Variants in CTNNA3 observed in about 807,000 individuals in gnomAD.
The protein encoded by CTNNA3 is catenin alpha-3.
In CTNNA3, 76 loss-of-function variants were observed where a neutral mutation model predicts 95.7. The observed-to-expected ratio is 0.79, with a 90% confidence interval of 0.66 to 0.96. The LOEUF is 0.96. CTNNA3 is among the 40% of genes least tolerant of loss of function. The probability of loss-of-function intolerance (pLI) is 0.00; values close to 1 mark genes in which losing one functional copy is unlikely to be tolerated. For missense variants in CTNNA3, 1,191 were observed against 1,089.8 expected (o/e 1.09, Z -1.31); for synonymous variants, 431 against 374.4 (o/e 1.15, Z -1.74).
At chr10:67,422,666 G>A (rs1423805272) in intron 5 of CTNNA3, among the ~76,000 whole-genome samples, 3 of 151,956 alleles carry the variant, frequency 2.0e-5, no homozygotes, top group African/African-American at 7.3e-5. Context: ...TAAACATGTG[G>A]GCACATTCTC....
intron 10 of CTNNA3, among the ~76,000 whole-genome samples, chr10:66,616,686 C>G (rs747715301): frequency 2.0e-5 from 3 of 152,032 alleles, no homozygotes; most frequent in Non-Finnish European, 4.4e-5. Context: ...CTGAAACCTA[C>G]GTGAATTCAA....
At chr10:67,170,476 A>G (rs1861971451) in intron 7 of CTNNA3, among the ~76,000 whole-genome samples, 1 of 152,208 alleles carries the variant, frequency 6.6e-6, no homozygotes, top group South Asian at 2.1e-4. Context: ...GGGAACGTGG[A>G]TGGAGCTGGA....
intron 5 of CTNNA3, among the ~76,000 whole-genome samples, chr10:67,266,825 GA>G (rs1866845133): frequency 6.6e-6 from 1 of 151,994 alleles, no homozygotes; most frequent in Non-Finnish European, 1.5e-5. Context: ...ATCACCACAA[GA>G]AAAAAGTTAA....
chr10:66,256,285 C>T (rs2090768773), intron 13 of CTNNA3, among the ~76,000 whole-genome samples: 1 of 152,190 alleles, frequency 6.6e-6, no homozygotes, highest in African/African-American at 2.4e-5. Context: ...CCAATCCATT[C>T]TGGCTGTACA....
At chr10:67,692,790 A>T (rs1018997761) in intron 1 of CTNNA3, among the ~76,000 whole-genome samples, 7 of 150,112 alleles carry the variant, frequency 4.7e-5, no homozygotes, top group Non-Finnish European at 5.9e-5. Flanking sequence ...GGTGTAGCTG[A>T]TTTACTTTCA....
At chr10:65,959,603 C>A (rs1439958870) in intron 17 of CTNNA3, among the ~76,000 whole-genome samples, 1 of 152,166 alleles carries the variant, frequency 6.6e-6, no homozygotes, top group Non-Finnish European at 1.5e-5. Flanking sequence ...CAGCTCACTG[C>A]AACCTCCACC....
intron 9 of CTNNA3, among the ~76,000 whole-genome samples, chr10:66,708,315 G>A (rs887964369): frequency 1.3e-5 from 2 of 151,858 alleles, no homozygotes; most frequent in Non-Finnish European, 2.9e-5. Flanking sequence ...CCAAAATCAA[G>A]GTGTTGGCAG....
chr10:66,010,338 A>G (rs977491880), intron 15 of CTNNA3, among the ~76,000 whole-genome samples: 12 of 152,216 alleles, frequency 7.9e-5, no homozygotes, highest in Admixed American at 6.5e-4. Context: ...AAGAATAACT[A>G]AAAAGTAGTT....
At chr10:67,036,561 C>T (rs1854074926) in intron 7 of CTNNA3, among the ~76,000 whole-genome samples, 1 of 151,934 alleles carries the variant, frequency 6.6e-6, no homozygotes, top group African/African-American at 2.4e-5. Flanking sequence ...TTGGTAGAGA[C>T]AAGGTCTCCA....
chr10:67,690,318 A>T (rs1840818325), intron 1 of CTNNA3, among the ~76,000 whole-genome samples: 1 of 152,176 alleles, frequency 6.6e-6, no homozygotes, highest in Non-Finnish European at 1.5e-5. Flanking sequence ...GGACCCAAAG[A>T]GTGAGCAGCA....
At chr10:66,360,785 C>CT (rs879927232) in intron 12 of CTNNA3, among the ~76,000 whole-genome samples, 4,595 of 42,474 alleles carry the variant, frequency 0.11, 714 homozygotes, top group Non-Finnish European at 0.15. Context: ...TTCTTTCTTT[C>CT]TTCCTTCCTT....
Position 67,581,418 on chromosome 10 carries a change from C to T in CTNNA3, c.292+25439G>A, listed in dbSNP as rs531719809. Among the ~76,000 whole-genome samples, 8 of 152,298 alleles carry T rather than the reference C, an allele frequency of 5.3e-5. No homozygotes were observed. In the East Asian group the frequency reaches 1.5e-3, roughly 29 times the overall value. On this transcript the variant is annotated intron_variant, in intron 3 of 17. Transcript: ENST00000433211. The stretch of plus-strand genomic sequence containing the variant: ...ATCCCAGGGATGAAGCCAACTTCAT[C>T]ACGGTGGATAAGCTTTTTGATGTGC...
At chr10:67,668,232 G>C (rs1840365362) in intron 1 of CTNNA3, among the ~76,000 whole-genome samples, 1 of 140,042 alleles carries the variant, frequency 7.1e-6, no homozygotes, top group Non-Finnish European at 1.5e-5. Flanking sequence ...GATTGAATAA[G>C]CAGTGAATAG....
chr10:66,549,021 C>T (rs10997228), intron 10 of CTNNA3, among the ~76,000 whole-genome samples: 8,772 of 111,870 alleles, frequency 0.078, 449 homozygotes, highest in East Asian at 0.27. Context: ...CGGAGTCTTG[C>T]TCTGTTGCCC....
At chr10:67,442,680 T>A (rs1341296024) in intron 5 of CTNNA3, among the ~76,000 whole-genome samples, 2 of 152,070 alleles carry the variant, frequency 1.3e-5, no homozygotes, top group East Asian at 3.8e-4. Context: ...GATATAAAAA[T>A]TGTAAATATA....
chr10:66,202,036 C>A (rs552112151), intron 13 of CTNNA3, among the ~76,000 whole-genome samples: 39 of 152,160 alleles, frequency 2.6e-4, no homozygotes, highest in Non-Finnish European at 5.0e-4. Flanking sequence ...ATCCAGCCAC[C>A]CTGGCCTCCC....
chr10:66,135,172 C>T lies in CTNNA3; in HGVS notation c.1885-31923G>A, dbSNP rs78127560. Among the ~76,000 whole-genome samples the T allele has an allele frequency of 9.9e-3, 1,511 of 152,040 alleles. 32 individuals carry two copies. Among genetic ancestry groups the T allele is most frequent in the African/African-American group, 0.035 (1,434 of 41,464 alleles). ...GCTAGTAACAGTAAAAGAATGACAC[C>T]TCAATTGCAACAAAAACACATAACA... On this transcript the variant is annotated intron_variant, in intron 13 of 17. Transcript: ENST00000433211.
intron 10 of CTNNA3, among the ~76,000 whole-genome samples, chr10:66,558,880 C>T (rs1456542192): frequency 6.6e-6 from 1 of 152,016 alleles, no homozygotes; most frequent in Non-Finnish European, 1.5e-5. Context: ...ATAATTCTAT[C>T]AGTCTCTCTT....
At position 66,144,203 on chromosome 10, in the gene CTNNA3, A is replaced by G. The variant is rs190643205; in HGVS notation, c.1885-40954T>C. Among the ~76,000 whole-genome samples the G allele has an allele frequency of 2.6e-5, 4 of 152,342 alleles. No homozygotes were observed. In the East Asian group the frequency reaches 7.7e-4, roughly 29 times the overall value. ...TAGAATTGAGAGCAAAATGGAATTT[A>G]TCGCAACTACCTCATGCATTTTTTC... is the stretch of plus-strand genomic sequence containing the variant. On this transcript the variant is annotated intron_variant, in intron 13 of 17. Coordinates refer to ENST00000433211, the MANE Select transcript of CTNNA3 (RefSeq NM_013266.4).
Sources: allele counts gnomAD v4.1 joint callset (sites outside exome capture counted in the v4.1 genomes callset), GRCh38; gene constraint gnomAD v4.1.1; transcripts MANE v1.5; gene names NCBI Gene and HGNC (gene_info 2026-07-23, HGNC 2026-07-21).